KCNIP1: variants seen among roughly 807,000 people sequenced by gnomAD.
KCNIP1 encodes the protein potassium voltage-gated channel interacting protein 1, also known as A-type potassium channel modulatory protein KCNIP1.
KCNIP1 carries 18 observed loss-of-function variants against 33.0 expected under a neutral mutation model. The observed-to-expected ratio is 0.55, with a 90% CI of 0.38 to 0.81. The LOEUF (loss-of-function observed/expected upper bound fraction) is 0.81, where lower values mean the gene tolerates loss of function less well. Among genes scored for constraint, KCNIP1 ranks in the 30% least tolerant of loss-of-function variants. The pLI is 0.00. For synonymous variants in KCNIP1, 93 were observed against 98.3 expected (o/e 0.95, Z 0.32); for missense variants, 238 against 271.6 (o/e 0.88, Z 0.87).
intron 1 of KCNIP1, among the ~76,000 whole-genome samples, chr5:170,430,937 T>C (rs1755726181): frequency 6.6e-6 from 1 of 152,200 alleles, no homozygotes; most frequent in Non-Finnish European, 1.5e-5. Flanking sequence ...CACGACTTCC[T>C]GTCATGGCTG....
chr5:170,702,940 C>T (rs1313039226), intron 1 of KCNIP1, among the ~76,000 whole-genome samples: 1 of 148,122 alleles, frequency 6.8e-6, no homozygotes, highest in East Asian at 2.3e-4. Context: ...TCTGAGCCTC[C>T]GTCTTCTCTT....
At chr5:170,361,498 G>A (rs1315728084) in intron 1 of KCNIP1, among the ~76,000 whole-genome samples, 1 of 152,106 alleles carries the variant, frequency 6.6e-6, no homozygotes, top group Non-Finnish European at 1.5e-5. Flanking sequence ...ATTCCATTTT[G>A]TGTTCTTAGA....
chr5:170,445,934 C>T (rs1756103137), intron 1 of KCNIP1, among the ~76,000 whole-genome samples: 1 of 152,202 alleles, frequency 6.6e-6, no homozygotes, highest in Non-Finnish European at 1.5e-5. Flanking sequence ...TTGATTTGCC[C>T]AGTATCCAGA....
chr5:170,647,432 A>G (rs1478002317), intron 1 of KCNIP1, among the ~76,000 whole-genome samples: 2 of 152,172 alleles, frequency 1.3e-5, no homozygotes, highest in Non-Finnish European at 2.9e-5. Context: ...AGACAAGTAG[A>G]TCAATGGAAC....
At chr5:170,627,318 G>C (rs1395817738) in intron 1 of KCNIP1, among the ~76,000 whole-genome samples, 3 of 152,206 alleles carry the variant, frequency 2.0e-5, no homozygotes, top group African/African-American at 7.2e-5. Context: ...AGTTCCCTCT[G>C]CATCTTGGGC....
At chr5:170,478,126 A>C (rs950574069) in intron 1 of KCNIP1, among the ~76,000 whole-genome samples, 1 of 152,172 alleles carries the variant, frequency 6.6e-6, no homozygotes, top group Non-Finnish European at 1.5e-5. Flanking sequence ...GGACCTGCCA[A>C]GATGAAGCCA....
chr5:170,603,656 A>G (rs1258493928), intron 1 of KCNIP1, among the ~76,000 whole-genome samples: 2 of 152,130 alleles, frequency 1.3e-5, no homozygotes, highest in Non-Finnish European at 2.9e-5. Context: ...AGCTAGCCAG[A>G]TAGAGAACAG....
intron 1 of KCNIP1, among the ~76,000 whole-genome samples, chr5:170,394,910 G>A: frequency 1.3e-5 from 2 of 152,170 alleles, no homozygotes; most frequent in South Asian, 4.1e-4. Flanking sequence ...TATCCATCTT[G>A]CTGTAAAGGA....
intron 1 of KCNIP1, among the ~76,000 whole-genome samples, chr5:170,666,449 C>A (rs1761707130): frequency 6.6e-6 from 1 of 152,134 alleles, no homozygotes; most frequent in African/African-American, 2.4e-5. Flanking sequence ...CGCCTGATTC[C>A]TTTTATTACT....
intron 1 of KCNIP1, among the ~76,000 whole-genome samples, chr5:170,497,082 G>A (rs1757324488): frequency 1.3e-5 from 2 of 152,114 alleles, no homozygotes; most frequent in Admixed American, 6.5e-5. Flanking sequence ...CCCTAATGCA[G>A]GGAGCATCAA....
Position 170,718,765 on chromosome 5 carries a change from T to G in KCNIP1, c.69T>G (p.Ile23Met). Residue 23 changes from isoleucine to methionine, a missense_variant, in exon 2 of 8, where the codon ATT (isoleucine) becomes ATG (methionine). Ile to Met is a conservative substitution (Grantham distance 10, BLOSUM62 1). Coordinates refer to ENST00000328939, the MANE Select transcript of KCNIP1 (RefSeq NM_014592.4). ...CATCTCCTCTGGTTCCAGATAAGATTGAAGATGAGCTGGAGATGACCATGG... is the reference window on the plus strand; with the variant it reads ...CATCTCCTCTGGTTCCAGATAAGATGGAAGATGAGCTGGAGATGACCATGG... Reference protein sequence around the residue: ...TKQRRPSKDKIEDELEMTMVC... With the variant: ...TKQRRPSKDKMEDELEMTMVC... The G allele has an allele frequency of 6.2e-7, 1 of 1,613,560 alleles. No homozygotes were observed. Among genetic ancestry groups the G allele is most frequent in the Non-Finnish European group, 8.5e-7 (1 of 1,179,810 alleles).
intron 1 of KCNIP1, among the ~76,000 whole-genome samples, chr5:170,453,205 A>T (rs771709356): frequency 1.2e-4 from 19 of 152,194 alleles, no homozygotes; most frequent in Non-Finnish European, 2.6e-4. Flanking sequence ...TTGCTCTCAA[A>T]ATGCATTTAC....
intron 1 of KCNIP1, among the ~76,000 whole-genome samples, chr5:170,482,901 G>A (rs903603182): frequency 1.3e-5 from 2 of 152,288 alleles, no homozygotes; most frequent in African/African-American, 2.4e-5. Context: ...TGGTGCTATT[G>A]TCCCACCCCT....
intron 7 of KCNIP1, 121 bp downstream of exon 7, chr5:170,734,019 C>A: frequency 1.4e-6 from 1 of 690,424 alleles, no homozygotes; most frequent in Admixed American, 2.7e-5. Flanking sequence ...CCCATCAGAG[C>A]CAACAACACC....
At chr5:170,383,470 A>G in intron 1 of KCNIP1, 2 of 634,582 alleles carry the variant, frequency 3.2e-6, no homozygotes, top group South Asian at 3.6e-5. Flanking sequence ...TGGCCTGCCT[A>G]TGTTTACACA....
chr5:170,583,365 C>G (rs1004583785), intron 1 of KCNIP1, among the ~76,000 whole-genome samples: 1 of 152,168 alleles, frequency 6.6e-6, no homozygotes, highest in Non-Finnish European at 1.5e-5. Flanking sequence ...ATAACCTTCC[C>G]AGTGCCTTGT....
At chr5:170,685,769 G>A (rs1022784659) in intron 1 of KCNIP1, among the ~76,000 whole-genome samples, 1 of 152,130 alleles carries the variant, frequency 6.6e-6, no homozygotes, top group African/African-American at 2.4e-5. Context: ...GATTACAGGT[G>A]TGAGCCACTG....
chr5:170,431,128 C>A (rs1011545802), intron 1 of KCNIP1, among the ~76,000 whole-genome samples: 2 of 152,196 alleles, frequency 1.3e-5, no homozygotes, highest in African/African-American at 2.4e-5. Flanking sequence ...AAGGGACTTG[C>A]GGAAAGTGGC....
intron 1 of KCNIP1, among the ~76,000 whole-genome samples, chr5:170,666,557 A>C (rs1373406033): frequency 6.6e-6 from 1 of 152,226 alleles, no homozygotes; most frequent in Non-Finnish European, 1.5e-5. Context: ...AAAATATAGC[A>C]AAGATATAAA....
Sources: allele counts gnomAD v4.1 joint callset (sites outside exome capture counted in the v4.1 genomes callset), GRCh38; gene constraint gnomAD v4.1.1; transcripts MANE v1.5; gene names NCBI Gene and HGNC (gene_info 2026-07-23, HGNC 2026-07-21).